The following PHC3 variants were observed in gnomAD, a reference collection of about 807,000 sequenced individuals.
PHC3 encodes polyhomeotic-like protein 3.
PHC3 carries 13 observed loss-of-function variants against 107.4 expected under a neutral mutation model. The observed-to-expected ratio is 0.12, with a 90% confidence interval of 0.08 to 0.19. The LOEUF (loss-of-function observed/expected upper bound fraction) is 0.19. Among genes scored for constraint, PHC3 ranks in the 10% least tolerant of loss-of-function variants. PHC3 has a pLI of 1.00. For missense variants in PHC3, 992 were observed against 1,210.9 expected (o/e 0.82, Z 2.68); for synonymous variants, 456 against 427.4 (o/e 1.07, Z -0.83).
intron 2 of PHC3, among the ~76,000 whole-genome samples, chr3:170,178,408 G>C (rs1730866875): frequency 6.6e-6 from 1 of 152,152 alleles, no homozygotes; most frequent in African/African-American, 2.4e-5. Context: ...TGGGATTACA[G>C]GCGTGAGCCA....
At chr3:170,138,716 GAAAA>G (rs1252415414) in intron 6 of PHC3, among the ~76,000 whole-genome samples, 11 of 140,766 alleles carry the variant, frequency 7.8e-5, no homozygotes, top group Non-Finnish European at 1.4e-4. Context: ...AAAAAGATAA[GAAAA>G]AGAAATATTA....
At chr3:170,157,486 C>T (rs1381164835) in intron 4 of PHC3, among the ~76,000 whole-genome samples, 4 of 152,170 alleles carry the variant, frequency 2.6e-5, no homozygotes, top group East Asian at 1.9e-4. Flanking sequence ...TACAAATATT[C>T]AGGCTACAGT....
chr3:170,118,132 T>C (rs1019789026), intron 9 of PHC3, among the ~76,000 whole-genome samples: 1 of 152,294 alleles, frequency 6.6e-6, no homozygotes, highest in African/African-American at 2.4e-5. Flanking sequence ...TTTTAAGCTA[T>C]TAAATCCCCT....
Position 170,090,717 on chromosome 3 carries a change from C to T in PHC3, c.*6513G>A, listed in dbSNP as rs547633713. The T allele has an allele frequency of 6.6e-6, 1 of 152,178 alleles. No individual in the cohort carries two copies. The highest frequency in any genetic ancestry group is 2.1e-4 in the South Asian group (1 of 4,820). The allele number at this position is 152,178 out of a possible 1,614,324, so 9.4% of individuals were successfully genotyped here. A position where few individuals can be genotyped will look rare whatever the true frequency, so the allele number is the denominator to read the frequency against. On this transcript the variant is annotated 3_prime_UTR_variant, in exon 15 of 15. Coordinates refer to ENST00000495893, the MANE Select transcript of PHC3 (RefSeq NM_024947.4). ...CCTTAAAGATGAATTAAACCAAAAT[C>T]AACTTTTGAGTAGTACAGGCACCAT... is the stretch of plus-strand genomic sequence containing the variant.
chr3:170,122,833 T>C, intron 8 of PHC3, 89 bp from the exon 9 acceptor site: 2 of 1,434,984 alleles, frequency 1.4e-6, no homozygotes, highest in Non-Finnish European at 1.9e-6. Flanking sequence ...ATTCTATGTG[T>C]ATTAAATTTA....
intron 2 of PHC3, among the ~76,000 whole-genome samples, chr3:170,177,824 C>T (rs1730721154): frequency 6.6e-6 from 1 of 151,598 alleles, no homozygotes; most frequent in Admixed American, 6.6e-5. Flanking sequence ...GCACATGCCA[C>T]CATGCCCTGC....
chr3:170,102,591 C>A lies in PHC3; in HGVS notation c.2721G>T (p.Arg907=), dbSNP rs777732845. 1 of 1,613,908 alleles carries A rather than the reference C, an allele frequency of 6.2e-7. No homozygotes were observed. Among genetic ancestry groups the A allele is most frequent in the South Asian group, 1.1e-5 (1 of 91,088 alleles). ...QSEREREREL[R]DVRIRKMPEN... ...CAGGCATTTTCCGAATTCTCACATC[C>A]CGAAGCTCACGTTCTCTTTCCCGCT... Residue 907 remains arginine, a synonymous_variant, in exon 14 of 15, where the codon CGG becomes CGT. Transcript: ENST00000495893.
In PHC3 at chr3:170,093,076, G is replaced by A. The variant is rs1036579856; in HGVS notation, c.*4154C>T. 1 of 151,908 alleles carries A rather than the reference G, an allele frequency of 6.6e-6. No individual in the cohort carries two copies. The highest frequency in any genetic ancestry group is 6.6e-5 in the Admixed American group (1 of 15,226). 9.4% of individuals were successfully genotyped at this position (151,908 alleles called of 1,614,324 possible). A position where few individuals can be genotyped will look rare whatever the true frequency, so the allele number is the denominator to read the frequency against. ...CTTCCCCCTAGAAAACCTTCCTTAG[G>A]GCCCAGCTAGTTACATATGTAGTAC... On this transcript the variant is annotated 3_prime_UTR_variant, in exon 15 of 15. Transcript: ENST00000495893.
chr3:170,176,791 G>A, intron 2 of PHC3: 1 of 412,004 alleles, frequency 2.4e-6, no homozygotes. Context: ...GCCTTACACA[G>A]TTCTAGATAC....
chr3:170,157,689 G>A (rs1022224323), intron 4 of PHC3, among the ~76,000 whole-genome samples: 1 of 152,056 alleles, frequency 6.6e-6, no homozygotes, highest in Non-Finnish European at 1.5e-5. Context: ...TTTCTCTCAG[G>A]TAAATTTACA....
chr3:170,118,393 G>A (rs1719468654), intron 9 of PHC3, among the ~76,000 whole-genome samples: 1 of 152,108 alleles, frequency 6.6e-6, no homozygotes, highest in South Asian at 2.1e-4. Flanking sequence ...CCACAGGTGT[G>A]TGCCACCATG....
chr3:170,132,734 T>C (rs1722458299), intron 7 of PHC3, among the ~76,000 whole-genome samples: 1 of 152,236 alleles, frequency 6.6e-6, no homozygotes, highest in Non-Finnish European at 1.5e-5. Flanking sequence ...TATGGTATTT[T>C]GTTATGGCAG....
chr3:170,142,837 C>T (rs1453967301), intron 6 of PHC3, among the ~76,000 whole-genome samples: 3 of 152,078 alleles, frequency 2.0e-5, no homozygotes, highest in Non-Finnish European at 4.4e-5. Context: ...TGATGATGGT[C>T]TAGCTCTATT....
intron 7 of PHC3, among the ~76,000 whole-genome samples, chr3:170,131,997 C>T (rs1722329584): frequency 6.6e-6 from 1 of 151,948 alleles, no homozygotes; most frequent in South Asian, 2.1e-4. Context: ...GTCCATAAGA[C>T]CAATTGATAA....
intron 4 of PHC3, among the ~76,000 whole-genome samples, chr3:170,163,359 A>G (rs1432316572): frequency 6.6e-6 from 1 of 152,172 alleles, no homozygotes; most frequent in Non-Finnish European, 1.5e-5. Flanking sequence ...ACAAGGAAAG[A>G]GAATGACATA....
intron 9 of PHC3, among the ~76,000 whole-genome samples, chr3:170,120,818 A>G (rs1560050068): frequency 6.6e-6 from 1 of 152,176 alleles, no homozygotes; most frequent in Non-Finnish European, 1.5e-5. Flanking sequence ...GTGGTCCCAT[A>G]AGAGTTTGTT....
At position 170,145,529 on chromosome 3, in the gene PHC3, G is replaced by A. The variant is rs775054979; in HGVS notation, c.574-8C>T. On this transcript the variant is annotated splice_region_variant and splice_polypyrimidine_tract_variant and intron_variant, in intron 5 of 14. Transcript: ENST00000495893. ...AGCGGGTGTGAAAATCAGCTGTACA[G>A]ACAGAAAACCAAAAAAATACCCTAA... 59 of 1,603,032 alleles carry A rather than the reference G, an allele frequency of 3.7e-5. 1 individual carries two copies. In the South Asian group the frequency reaches 6.5e-4, roughly 18 times the overall value.
intron 6 of PHC3, among the ~76,000 whole-genome samples, chr3:170,137,816 T>C (rs971653472): frequency 3.9e-5 from 6 of 151,978 alleles, no homozygotes; most frequent in Non-Finnish European, 8.8e-5. Flanking sequence ...GGAGAATCAC[T>C]TGAACCCAGG....
At chr3:170,118,008 T>C (rs1719395563) in intron 9 of PHC3, among the ~76,000 whole-genome samples, 1 of 152,142 alleles carries the variant, frequency 6.6e-6, no homozygotes, top group South Asian at 2.1e-4. Flanking sequence ...AGTGAAACTC[T>C]GTCTCAAAAA....
Sources: gnomAD v4.1 joint callset for allele counts (sites outside exome capture counted in the v4.1 genomes callset) on GRCh38, gnomAD v4.1.1 for gene constraint, MANE v1.5 for transcripts, NCBI Gene and HGNC (gene_info 2026-07-23, HGNC 2026-07-21) for gene names.